The following CLIP4 variants were observed in gnomAD, a reference collection of about 807,000 sequenced individuals.
CLIP4 encodes the protein CAP-Gly domain containing linker protein family member 4.
Under a neutral mutation model 73.1 loss-of-function variants are expected in CLIP4, and 47 were observed. The ratio of observed to expected loss-of-function variants is 0.64; its 90% CI spans 0.51 to 0.82. The LOEUF (loss-of-function observed/expected upper bound fraction) is 0.82. Among genes scored for constraint, CLIP4 ranks in the 40% least tolerant of loss-of-function variants. The probability of loss-of-function intolerance (pLI) is 0.00; values close to 1 mark genes in which losing one functional copy is unlikely to be tolerated. For synonymous variants in CLIP4, 306 were observed against 295.4 expected (o/e 1.04, Z -0.37); for missense variants, 874 against 852.9 (o/e 1.02, Z -0.31).
intron 12 of CLIP4, among the ~76,000 whole-genome samples, chr2:29,162,296 G>C (rs1204198243): frequency 6.6e-6 from 1 of 152,296 alleles, no homozygotes; most frequent in East Asian, 1.9e-4. Flanking sequence ...ATTCTGTCCT[G>C]TAAGGAAGTA....
intron 1 of CLIP4, among the ~76,000 whole-genome samples, chr2:29,102,188 T>A (rs1668070012): frequency 6.6e-6 from 1 of 152,122 alleles, no homozygotes; most frequent in Non-Finnish European, 1.5e-5. Flanking sequence ...TTCTCACTAC[T>A]AGGGGAAGAG....
intron 1 of CLIP4, among the ~76,000 whole-genome samples, chr2:29,106,772 C>T (rs1224023066): frequency 6.6e-6 from 1 of 152,120 alleles, no homozygotes; most frequent in Admixed American, 6.5e-5. Context: ...AAACTGTTGT[C>T]CTTGTAAGTG....
In CLIP4 at chr2:29,132,237, A is replaced by C; in HGVS notation, c.359A>C (p.His120Pro). ...CATTATACCTGCAAATCTGGAGCTC[A>C]TGGTATTGGTAAGTGTGTGGTAAAT... ...LLHYTCKSGAHGIGDVETAVK... is the reference protein window; with the variant it reads ...LLHYTCKSGAPGIGDVETAVK... The change falls in exon 4 of 16, where the codon CAT becomes CCT. Residue 120 changes from histidine to proline, a missense_variant. By Grantham distance (77) the His-to-Pro change is moderately conservative (BLOSUM62 -2). Transcript: ENST00000320081. 3 of 1,612,336 alleles carry C rather than the reference A, an allele frequency of 1.9e-6. No homozygotes were observed. The highest frequency in any genetic ancestry group is 2.5e-6 in the Non-Finnish European group (3 of 1,178,496).
At chr2:29,138,112 T>C (rs1292959932) in intron 6 of CLIP4, among the ~76,000 whole-genome samples, 1 of 152,196 alleles carries the variant, frequency 6.6e-6, no homozygotes, top group Non-Finnish European at 1.5e-5. Context: ...TTTCCTAGGT[T>C]TTCGTCTAGG....
At position 29,100,102 on chromosome 2, in the gene CLIP4, A is replaced by AT. The variant is rs1208502028; in HGVS notation, c.-16+2162dup. Among the ~76,000 whole-genome samples the AT allele has an allele frequency of 2.6e-5, 4 of 151,688 alleles. No homozygotes were observed. In the East Asian group the frequency reaches 7.7e-4, roughly 29 times the overall value. On this transcript the variant is annotated intron_variant, in intron 1 of 14. Coordinates refer to the CLIP4 transcript ENST00000401605. ...AGTTATGTTACTGGCTAATTTTTGT[A>AT]TTTTTTTGTAGAGACAGGGTTTTCG...
At chr2:29,155,117 A>G (rs976175479) in intron 9 of CLIP4, among the ~76,000 whole-genome samples, 1 of 152,208 alleles carries the variant, frequency 6.6e-6, no homozygotes, top group African/African-American at 2.4e-5. Context: ...AAAGATTTTA[A>G]GTAATGTAAC....
chr2:29,181,692 T>A lies in CLIP4; in HGVS notation c.1917T>A (p.Thr639=). ...TCACGAGCTCCAATGAGATGGGTAC[T>A]GTTAGGTATGTGGGCCCCACTGACT... ...VLLTSSNEMG[T]VRYVGPTDFA... The change falls in exon 16 of 16, where the codon ACT becomes ACA. Residue 639 remains threonine, a synonymous_variant. Transcript: ENST00000320081. 1 of 1,614,176 alleles carries A rather than the reference T, an allele frequency of 6.2e-7. No homozygotes were observed. Among genetic ancestry groups the A allele is most frequent in the Non-Finnish European group, 8.5e-7 (1 of 1,180,024 alleles).
upstream of CLIP4, among the ~76,000 whole-genome samples, chr2:29,114,528 T>A (rs1668472095): frequency 6.6e-6 from 1 of 152,214 alleles, no homozygotes; most frequent in African/African-American, 2.4e-5. Context: ...ATGAGTTCCT[T>A]GTTAGTGGAG....
chr2:29,160,011 C>T (rs997382630), intron 11 of CLIP4, among the ~76,000 whole-genome samples: 1 of 152,226 alleles, frequency 6.6e-6, no homozygotes, highest in Non-Finnish European at 1.5e-5. Flanking sequence ...TTTGCTGTGA[C>T]CCCTGTTCTA....
In CLIP4 at chr2:29,110,335, G is replaced by A. The variant is rs528740413; in HGVS notation, c.-15-11039G>A. 9.8e-5 allele frequency among the ~76,000 whole-genome samples: 15 copies of A among 152,324 alleles called. No individual in the cohort carries two copies. The South Asian group carries it at 2.9e-3, about 29-fold the overall frequency. The stretch of plus-strand genomic sequence containing the variant: ...GGGCAAGCCCAGGTAGAAGCAGTAG[G>A]AGGTTCCTGGGGTCTCCAGTGGCTA... On this transcript the variant is annotated intron_variant, in intron 1 of 14. Coordinates refer to the CLIP4 transcript ENST00000401605.
chr2:29,100,878 T>G (rs984728526), intron 1 of CLIP4, among the ~76,000 whole-genome samples: 1 of 151,970 alleles, frequency 6.6e-6, no homozygotes, highest in Non-Finnish European at 1.5e-5. Flanking sequence ...GGGACAGAAC[T>G]AATAGGATAG....
At chr2:29,119,091 A>T (rs556666022) in intron 1 of CLIP4, among the ~76,000 whole-genome samples, 23 of 152,358 alleles carry the variant, frequency 1.5e-4, no homozygotes, top group Middle Eastern at 6.8e-3. Flanking sequence ...AAAATAAGGA[A>T]ATGTAACTAG....
intron 6 of CLIP4, among the ~76,000 whole-genome samples, chr2:29,143,366 ATCTC>A (rs1310739874): frequency 4.0e-4 from 59 of 148,008 alleles, no homozygotes; most frequent in Non-Finnish European, 6.2e-4. Context: ...CCCTACAACC[ATCTC>A]TGTCTCCACA....
At chr2:29,169,325 T>C (rs1315787068) in intron 14 of CLIP4, among the ~76,000 whole-genome samples, 8 of 129,500 alleles carry the variant, frequency 6.2e-5, no homozygotes, top group African/African-American at 2.0e-4. Flanking sequence ...TGCGGTCTTT[T>C]TCACTGTGTG....
intron 4 of CLIP4, chr2:29,132,715 G>A (rs1665063017): frequency 6.5e-6 from 1 of 153,638 alleles, no homozygotes; most frequent in Non-Finnish European, 1.4e-5. Flanking sequence ...TATATATTGT[G>A]ATTGTCTCTC....
intron 6 of CLIP4, among the ~76,000 whole-genome samples, chr2:29,138,943 G>A (rs1332388332): frequency 6.6e-6 from 1 of 152,052 alleles, no homozygotes; most frequent in African/African-American, 2.4e-5. Flanking sequence ...CATATTGTTG[G>A]TGAAGAGAGG....
Position 29,157,185 on chromosome 2 carries a change from C to T in CLIP4, c.1256-19C>T, listed in dbSNP as rs77881474. The T allele has an allele frequency of 7.9e-4, 1,276 of 1,610,216 alleles. 12 individuals are homozygous for T. In the African/African-American group the frequency reaches 0.014, roughly 18 times the overall value. Reference sequence around the variant, plus strand: ...ACATCTTATTTTCCACCGTTTGACACGTTCTTTATCTGTTACAGTTGCCCT... The same window carrying T: ...ACATCTTATTTTCCACCGTTTGACATGTTCTTTATCTGTTACAGTTGCCCT... On this transcript the variant is annotated intron_variant, in intron 10 of 15. Transcript: ENST00000320081.
intron 1 of CLIP4, among the ~76,000 whole-genome samples, chr2:29,109,879 G>A (rs1668339570): frequency 6.6e-6 from 1 of 152,026 alleles, no homozygotes; most frequent in Admixed American, 6.6e-5. Flanking sequence ...CCGTCATAGC[G>A]AAACCCCGTC....
chr2:29,169,376 T>C (rs1667856946), intron 14 of CLIP4, among the ~76,000 whole-genome samples: 1 of 143,042 alleles, frequency 7.0e-6, no homozygotes, highest in Non-Finnish European at 1.5e-5. Context: ...TGTGTGTGTG[T>C]CCCACTCTCC....
Sources: allele counts gnomAD v4.1 joint callset (sites outside exome capture counted in the v4.1 genomes callset), GRCh38; gene constraint gnomAD v4.1.1; transcripts MANE v1.5; gene names NCBI Gene and HGNC (gene_info 2026-07-23, HGNC 2026-07-21).